Variants in DLC1 observed in about 807,000 individuals in gnomAD.
The protein encoded by DLC1 is rho GTPase-activating protein 7.
In DLC1, 54 loss-of-function variants were observed where a neutral mutation model predicts 140.3. That is an observed-to-expected ratio of 0.38 (90% confidence interval 0.31 to 0.48). The LOEUF is 0.48. Ranked by LOEUF, DLC1 falls within the 20% of genes least tolerant of loss-of-function variation. The probability of loss-of-function intolerance (pLI) is 0.96; values close to 1 mark genes in which losing one functional copy is unlikely to be tolerated. For missense variants in DLC1, 2,536 were observed against 1,907.0 expected (o/e 1.33, Z -6.14); for synonymous variants, 986 against 728.1 (o/e 1.35, Z -5.70).
rs1804964740 is a variant in DLC1 at position 13,579,318 on chromosome 8, TATATATATATATATATATA to T, written c.-126+25200_-126+25218del. 7.3e-4 allele frequency among the ~76,000 whole-genome samples: 4 copies of T among 5,470 alleles called. 1 individual carries two copies. The highest frequency in any genetic ancestry group is 8.8e-4 in the Non-Finnish European group (3 of 3,394). 3.6% of individuals were successfully genotyped at this position (5,470 alleles called of 152,430 possible). ...GTCAGATACCACAGGTCTGACTTTA[TATATATATATATATATATA>T]TATATATATATATATATATATATAT... On this transcript the variant is annotated intron_variant, in intron 1 of 1. Coordinates refer to the DLC1 transcript ENST00000631382.
chr8:13,267,851 G>C (rs923933133), intron 5 of DLC1, among the ~76,000 whole-genome samples: 5 of 151,714 alleles, frequency 3.3e-5, no homozygotes, highest in Non-Finnish European at 5.9e-5. Flanking sequence ...TATGGTATCA[G>C]GGCTTTCAAA....
intron 5 of DLC1, among the ~76,000 whole-genome samples, chr8:13,208,031 C>T (rs1228577852): frequency 6.6e-6 from 1 of 152,118 alleles, no homozygotes; most frequent in Non-Finnish European, 1.5e-5. Flanking sequence ...TGTTTTAATT[C>T]ACCATAGTAT....
At chr8:13,294,460 T>G (rs547306867) in intron 5 of DLC1, among the ~76,000 whole-genome samples, 20 of 152,252 alleles carry the variant, frequency 1.3e-4, no homozygotes, top group African/African-American at 4.8e-4. Flanking sequence ...GAAATTAATG[T>G]GAGCAGGAGT....
intron 5 of DLC1, among the ~76,000 whole-genome samples, chr8:13,206,052 AG>A (rs1827649262): frequency 6.6e-6 from 1 of 152,226 alleles, no homozygotes; most frequent in Non-Finnish European, 1.5e-5. Flanking sequence ...TTGAGATGTT[AG>A]CTAAGGATAG....
intron 5 of DLC1, among the ~76,000 whole-genome samples, chr8:13,164,389 T>C (rs1007790338): frequency 5.3e-5 from 8 of 152,126 alleles, no homozygotes; most frequent in African/African-American, 7.2e-5. Flanking sequence ...TGTCTATCTG[T>C]GTGTCAAACA....
chr8:13,153,612 A>G (rs1235128850), intron 5 of DLC1, among the ~76,000 whole-genome samples: 2 of 152,220 alleles, frequency 1.3e-5, no homozygotes, highest in Admixed American at 6.5e-5. Flanking sequence ...TTGTTTTGAC[A>G]GGGTGCTGAT....
chr8:13,201,102 A>G (rs1003425103), intron 5 of DLC1, among the ~76,000 whole-genome samples: 1 of 151,992 alleles, frequency 6.6e-6, no homozygotes, highest in Non-Finnish European at 1.5e-5. Context: ...TTCAAATAAT[A>G]AAACAAATTG....
chr8:13,603,041 C>A (rs1805939775), intron 1 of DLC1, among the ~76,000 whole-genome samples: 1 of 151,920 alleles, frequency 6.6e-6, no homozygotes. Context: ...GATAACCCAA[C>A]TGTTGATATG....
At chr8:13,478,545 A>C (rs1333984262) in intron 2 of DLC1, among the ~76,000 whole-genome samples, 1 of 152,164 alleles carries the variant, frequency 6.6e-6, no homozygotes, top group East Asian at 1.9e-4. Flanking sequence ...ATAGCTAAAA[A>C]ATGCAAGACA....
intron 4 of DLC1, among the ~76,000 whole-genome samples, chr8:13,381,689 A>T (rs1425685484): frequency 1.3e-5 from 2 of 152,002 alleles, no homozygotes; most frequent in Non-Finnish European, 2.9e-5. Context: ...GAGCCAGTCA[A>T]CCCCCAACTG....
chr8:13,176,616 A>C (rs117652689), intron 5 of DLC1, among the ~76,000 whole-genome samples: 57 of 152,240 alleles, frequency 3.7e-4, no homozygotes, highest in Non-Finnish European at 7.1e-4. Flanking sequence ...TTTTTGATTA[A>C]AAAAAGGTAG....
At chr8:13,533,226 A>T (rs1338478499) in intron 1 of DLC1, among the ~76,000 whole-genome samples, 2 of 132,220 alleles carry the variant, frequency 1.5e-5, no homozygotes. Flanking sequence ...AATGTTATAT[A>T]TTGAGTAGAA....
intron 1 of DLC1, chr8:13,536,024 A>G (rs1803268049): frequency 6.6e-6 from 1 of 152,182 alleles, no homozygotes; most frequent in Non-Finnish European, 1.5e-5. Context: ...GGAGAACAAC[A>G]AAGAGTCTAC....
intron 1 of DLC1, among the ~76,000 whole-genome samples, chr8:13,573,881 G>T (rs556883225): frequency 3.3e-5 from 5 of 152,204 alleles, no homozygotes; most frequent in African/African-American, 4.8e-5. Context: ...GACACTTGTG[G>T]CTTAATTAAT....
At chr8:13,185,461 C>T (rs1826312854) in intron 5 of DLC1, among the ~76,000 whole-genome samples, 1 of 151,918 alleles carries the variant, frequency 6.6e-6, no homozygotes, top group African/African-American at 2.4e-5. Flanking sequence ...GCGCCCGCCA[C>T]CACGCCCGGC....
At chr8:13,407,154 T>C (rs973575770) in intron 2 of DLC1, among the ~76,000 whole-genome samples, 1 of 152,170 alleles carries the variant, frequency 6.6e-6, no homozygotes, top group Admixed American at 6.5e-5. Flanking sequence ...TCCAAGCCCA[T>C]GGTGGTAAAC....
Position 13,083,775 on chromosome 8 carries a change from T to C in DLC1, c.*2036A>G, listed in dbSNP as rs1283272563. The C allele has an allele frequency of 1.3e-5, 2 of 152,678 alleles. No homozygotes were observed. The highest frequency in any genetic ancestry group is 2.9e-5 in the Non-Finnish European group (2 of 68,052). The allele number at this position is 152,678 out of a possible 1,614,324, so 9.5% of individuals were successfully genotyped here. A position where few individuals can be genotyped will look rare whatever the true frequency, so the allele number is the denominator to read the frequency against. On this transcript the variant is annotated 3_prime_UTR_variant, in exon 18 of 18. Coordinates refer to ENST00000276297, the MANE Select transcript of DLC1 (RefSeq NM_182643.3). ...GGGAGTGGGTGGCTCAGTTGCAGTTTGGCCTTGGAATGATTTGCAGTCCGA... is the reference window on the plus strand; with the variant it reads ...GGGAGTGGGTGGCTCAGTTGCAGTTCGGCCTTGGAATGATTTGCAGTCCGA...
chr8:13,464,673 G>A (rs1799838954), intron 2 of DLC1, among the ~76,000 whole-genome samples: 1 of 145,106 alleles, frequency 6.9e-6, no homozygotes, highest in African/African-American at 2.6e-5. Flanking sequence ...CTCCCTCAAT[G>A]GAATAACCCT....
At chr8:13,526,444 G>A (rs772579341) in intron 1 of DLC1, among the ~76,000 whole-genome samples, 2 of 152,056 alleles carry the variant, frequency 1.3e-5, no homozygotes, top group African/African-American at 4.8e-5. Context: ...TGAGCATAAT[G>A]TATTTTCTTT....
Sources: allele counts gnomAD v4.1 joint callset (sites outside exome capture counted in the v4.1 genomes callset), GRCh38; gene constraint gnomAD v4.1.1; transcripts MANE v1.5; gene names NCBI Gene and HGNC (gene_info 2026-07-23, HGNC 2026-07-21).